The following RGS6 variants were observed in gnomAD, a reference collection of about 807,000 sequenced individuals.
RGS6 encodes the protein regulator of G-protein signaling 6.
Under a neutral mutation model 78.5 loss-of-function variants are expected in RGS6, and 30 were observed. The observed-to-expected ratio is 0.38, with a 90% CI of 0.29 to 0.52. The LOEUF is 0.52. Ranked by LOEUF, RGS6 falls within the 20% of genes least tolerant of loss-of-function variation. The probability of loss-of-function intolerance (pLI) is 0.85; values close to 1 mark genes in which losing one functional copy is unlikely to be tolerated. For missense variants in RGS6, 495 were observed against 609.7 expected (o/e 0.81, Z 1.98); for synonymous variants, 206 against 206.0 (o/e 1.00, Z 0.00).
rs1040096497 is a variant in RGS6 at position 72,419,796 on chromosome 14, G to A, written c.185-34732G>A. ...AAAGGAGGGGAGACTCTTTGCCTCT[G>A]TGGTATCAGGGAATGCTTCTCAGAG... On this transcript the variant is annotated intron_variant, in intron 3 of 17. Transcript: ENST00000553525. Among the ~76,000 whole-genome samples the A allele has an allele frequency of 3.9e-5, 6 of 152,232 alleles. 1 individual carries two copies. Among genetic ancestry groups the A allele is most frequent in the African/African-American group, 7.2e-5 (3 of 41,454 alleles).
chr14:72,226,813 C>T (rs2048238573), intron 2 of RGS6, among the ~76,000 whole-genome samples: 1 of 152,200 alleles, frequency 6.6e-6, no homozygotes, highest in African/African-American at 2.4e-5. Flanking sequence ...AGCGATTCTC[C>T]TGCCTCAGCC....
At chr14:72,509,604 TG>T (rs1175236244) in intron 13 of RGS6, among the ~76,000 whole-genome samples, 1 of 152,200 alleles carries the variant, frequency 6.6e-6, no homozygotes, top group Non-Finnish European at 1.5e-5. Flanking sequence ...GCACTGTGCA[TG>T]GTTGTTAAAT....
intron 1 of RGS6, among the ~76,000 whole-genome samples, chr14:71,949,615 A>G (rs576619699): frequency 3.9e-4 from 60 of 152,028 alleles, no homozygotes; most frequent in Non-Finnish European, 8.1e-4. Flanking sequence ...TCCCGGCTCT[A>G]GTGGTTTGCC....
rs2096286735 is a variant in RGS6, at chr14:72,478,263, C to T, written c.793-5C>T. Reference sequence around the variant, plus strand: ...TCTTAACATCTGTGTTCTCTATTTTCCCAGATAACATTTTTGAACGCACAG... The same window carrying T: ...TCTTAACATCTGTGTTCTCTATTTTTCCAGATAACATTTTTGAACGCACAG... On this transcript the variant is annotated splice_region_variant and splice_polypyrimidine_tract_variant and intron_variant, in intron 11 of 17. Transcript: ENST00000553525. 4 of 1,609,228 alleles carry T rather than the reference C, an allele frequency of 2.5e-6. No individual in the cohort carries two copies. The highest frequency in any genetic ancestry group is 2.6e-6 in the Non-Finnish European group (3 of 1,175,920).
chr14:72,304,406 A>G (rs1451763050), intron 2 of RGS6, among the ~76,000 whole-genome samples: 1 of 152,236 alleles, frequency 6.6e-6, no homozygotes, highest in Non-Finnish European at 1.5e-5. Context: ...TAGTATGAAT[A>G]GGAACCAATT....
At chr14:71,964,967 A>T in intron 2 of RGS6, 92 bp downstream of exon 2, 2 of 875,978 alleles carry the variant, frequency 2.3e-6, no homozygotes, top group Non-Finnish European at 3.4e-6. Flanking sequence ...TTTCTGCCTA[A>T]ACTGCCTTAC....
At position 72,226,994 on chromosome 14, in the gene RGS6, TGAG is replaced by T. The variant is rs536996357; in HGVS notation, c.85-125098_85-125096del. Among the ~76,000 whole-genome samples, 6 of 152,274 alleles carry T rather than the reference TGAG, an allele frequency of 3.9e-5. No individual in the cohort carries two copies. The South Asian group carries it at 1.2e-3, about 32-fold the overall frequency. On this transcript the variant is annotated intron_variant, in intron 2 of 17. Transcript: ENST00000553525. ...GAGCCACTGTACCCATGCATGCTGTTGAGGACACCAAACAAATCAAACCAACCA... is the reference window on the plus strand; with the variant it reads ...GAGCCACTGTACCCATGCATGCTGTTGACACCAAACAAATCAAACCAACCA...
At chr14:72,129,689 G>A (rs966931254) in intron 2 of RGS6, among the ~76,000 whole-genome samples, 2 of 152,130 alleles carry the variant, frequency 1.3e-5, no homozygotes, top group African/African-American at 4.8e-5. Context: ...CAGCAGAGCC[G>A]CTGAACTTCT....
At chr14:72,200,177 C>A (rs1316375775) in intron 2 of RGS6, among the ~76,000 whole-genome samples, 2 of 152,166 alleles carry the variant, frequency 1.3e-5, no homozygotes, top group Non-Finnish European at 2.9e-5. Context: ...GGAATCTAGT[C>A]TATTCTCAAC....
chr14:72,513,054 C>G (rs2096898024), intron 14 of RGS6, among the ~76,000 whole-genome samples: 1 of 152,202 alleles, frequency 6.6e-6, no homozygotes, highest in Non-Finnish European at 1.5e-5. Flanking sequence ...GGTGAGGGGC[C>G]CAGGCCACTG....
At chr14:72,036,141 C>G (rs1016253882) in intron 2 of RGS6, among the ~76,000 whole-genome samples, 6 of 151,876 alleles carry the variant, frequency 4.0e-5, no homozygotes, top group Non-Finnish European at 8.8e-5. Context: ...TCTTTTGAGA[C>G]TGGCGTCTTT....
intron 12 of RGS6, among the ~76,000 whole-genome samples, chr14:72,482,441 G>A (rs2096400466): frequency 6.6e-6 from 1 of 152,170 alleles, no homozygotes; most frequent in South Asian, 2.1e-4. Context: ...CTGTCACTGA[G>A]TAACAAAACA....
At chr14:72,266,695 T>A (rs2059121154) in intron 2 of RGS6, among the ~76,000 whole-genome samples, 1 of 152,230 alleles carries the variant, frequency 6.6e-6, no homozygotes, top group Non-Finnish European at 1.5e-5. Context: ...ATACCTCTTC[T>A]GATCTCATAG....
chr14:71,881,772 A>G, the RGS6 span, among the ~76,000 whole-genome samples: 1 of 152,324 alleles, frequency 6.6e-6, no homozygotes, highest in East Asian at 1.9e-4. Context: ...AGGCTGACAC[A>G]ATGTAGGAGA....
At chr14:72,421,965 T>C (rs1454633634) in intron 3 of RGS6, among the ~76,000 whole-genome samples, 2 of 152,170 alleles carry the variant, frequency 1.3e-5, no homozygotes, top group African/African-American at 4.8e-5. Context: ...CACACTCAAA[T>C]CCACATGTTG....
the RGS6 span, among the ~76,000 whole-genome samples, chr14:71,895,677 G>A: frequency 9.8e-5 from 15 of 152,292 alleles, 1 homozygote; most frequent in Admixed American, 7.8e-4. Context: ...GGGACTGCTT[G>A]TTATGCTGTG....
intron 12 of RGS6, among the ~76,000 whole-genome samples, chr14:72,483,967 T>TG (rs1555429194): frequency 7.2e-6 from 1 of 138,526 alleles, no homozygotes; most frequent in Non-Finnish European, 1.6e-5. Flanking sequence ...CTTCTCCAAG[T>TG]GAAAAAAAAA....
the RGS6 span, among the ~76,000 whole-genome samples, chr14:71,888,656 A>AG: frequency 6.7e-6 from 1 of 150,068 alleles, no homozygotes. Flanking sequence ...TTCATTCAAG[A>AG]GAAAAAAAAA....
chr14:72,107,595 G>A (rs779094562), intron 2 of RGS6, among the ~76,000 whole-genome samples: 17 of 152,034 alleles, frequency 1.1e-4, no homozygotes, highest in Non-Finnish European at 2.1e-4. Context: ...GCAAAACTGG[G>A]AAATATCCAC....
Sources: allele counts gnomAD v4.1 joint callset (sites outside exome capture counted in the v4.1 genomes callset), GRCh38; gene constraint gnomAD v4.1.1; transcripts MANE v1.5; gene names NCBI Gene and HGNC (gene_info 2026-07-23, HGNC 2026-07-21).